CAMTA1: variants seen among roughly 807,000 people sequenced by gnomAD.
CAMTA1 encodes calmodulin binding transcription activator 1.
CAMTA1 carries 27 observed loss-of-function variants against 170.9 expected under a neutral mutation model. The observed-to-expected ratio is 0.16, with a 90% CI of 0.12 to 0.22. The LOEUF (loss-of-function observed/expected upper bound fraction) is 0.22, where lower values mean the gene tolerates loss of function less well. Ranked by LOEUF, CAMTA1 falls within the 10% of genes least tolerant of loss-of-function variation. The probability of loss-of-function intolerance (pLI) is 1.00; values close to 1 mark genes in which losing one functional copy is unlikely to be tolerated. For missense variants in CAMTA1, 1,619 were observed against 2,217.2 expected (o/e 0.73, Z 5.42); for synonymous variants, 833 against 891.5 (o/e 0.93, Z 1.17).
intron 3 of CAMTA1, among the ~76,000 whole-genome samples, chr1:7,070,043 G>T (rs1187716553): frequency 1.3e-5 from 2 of 152,186 alleles, no homozygotes; most frequent in Non-Finnish European, 2.9e-5. Context: ...GGGGCCTCCG[G>T]TGAGCCGCAG....
chr1:7,519,477 G>C (rs1043373276), intron 6 of CAMTA1, among the ~76,000 whole-genome samples: 1 of 152,070 alleles, frequency 6.6e-6, no homozygotes, highest in African/African-American at 2.4e-5. Context: ...AAGGAGCCTT[G>C]GAGATGCAGG....
At chr1:7,704,991 T>TGG (rs200125788) in intron 11 of CAMTA1, among the ~76,000 whole-genome samples, 13 of 127,198 alleles carry the variant, frequency 1.0e-4, no homozygotes, top group Middle Eastern at 4.1e-3. Context: ...GGCCGGGGCG[T>TGG]GGGGACACGC....
At chr1:7,613,020 C>T (rs570558206) in intron 6 of CAMTA1, among the ~76,000 whole-genome samples, 3 of 152,160 alleles carry the variant, frequency 2.0e-5, no homozygotes, top group East Asian at 3.9e-4. Context: ...CAGTCTTAAC[C>T]GGGAGTGTGT....
chr1:7,699,688 CT>C (rs1430965671), intron 11 of CAMTA1, among the ~76,000 whole-genome samples: 1 of 150,390 alleles, frequency 6.6e-6, no homozygotes, highest in African/African-American at 2.5e-5. Flanking sequence ...TTGTTATTGT[CT>C]TTCTTTGTGA....
chr1:7,246,489 A>G (rs1665797407), intron 4 of CAMTA1, among the ~76,000 whole-genome samples: 1 of 151,880 alleles, frequency 6.6e-6, no homozygotes, highest in South Asian at 2.1e-4. Context: ...TCTGCCTGCA[A>G]TTCCATTCCT....
chr1:7,061,539 G>A (rs569635612), intron 3 of CAMTA1, among the ~76,000 whole-genome samples: 1 of 85,532 alleles, frequency 1.2e-5, no homozygotes, highest in Non-Finnish European at 2.3e-5. Context: ...AGTACCAAGT[G>A]TTGGGGAAGG....
At position 7,359,947 on chromosome 1, in the gene CAMTA1, T is replaced by A. The variant is rs77877648; in HGVS notation, c.439-107883T>A. Among the ~76,000 whole-genome samples, 1,123 of 152,162 alleles carry A rather than the reference T, an allele frequency of 7.4e-3. 17 individuals are homozygous for A. The highest frequency in any genetic ancestry group is 0.026 in the African/African-American group (1,092 of 41,516). On this transcript the variant is annotated intron_variant, in intron 5 of 22. Transcript: ENST00000303635. ...AGGGTGAAAGTCTCAGATCAAGGTG[T>A]GGGCAGGGCTGGTTTCTTCTGAGGC...
At position 7,284,186 on chromosome 1, in the gene CAMTA1, A is replaced by ATTC. The variant is rs1468964579; in HGVS notation, c.438+34562_438+34563insCTT. ...TCTTCTTCTTCTTCTTCTTATTATT[A>ATTC]TTATTATTATTATTATTATTATTAT... On this transcript the variant is annotated intron_variant, in intron 5 of 22. Transcript: ENST00000303635. Among the ~76,000 whole-genome samples the ATTC allele has an allele frequency of 3.5e-4, 38 of 108,638 alleles. 1 individual carries two copies. The highest frequency in any genetic ancestry group is 5.7e-4 in the Non-Finnish European group (31 of 54,198). 71.3% of individuals were successfully genotyped at this position (108,638 alleles called of 152,430 possible). A position where few individuals can be genotyped will look rare whatever the true frequency, so the allele number is the denominator to read the frequency against.
chr1:7,045,199 G>T (rs1256824028), intron 3 of CAMTA1, among the ~76,000 whole-genome samples: 1 of 152,086 alleles, frequency 6.6e-6, no homozygotes, highest in Non-Finnish European at 1.5e-5. Flanking sequence ...GCAGTTCAAA[G>T]TGTTTAAAAG....
At chr1:7,278,921 G>A (rs1323075127) in intron 5 of CAMTA1, among the ~76,000 whole-genome samples, 2 of 152,194 alleles carry the variant, frequency 1.3e-5, no homozygotes, top group South Asian at 2.1e-4. Flanking sequence ...CTAATCTGGG[G>A]ATCAGAGAGA....
chr1:6,899,390 C>G (rs1676361528), intron 3 of CAMTA1, among the ~76,000 whole-genome samples: 1 of 152,204 alleles, frequency 6.6e-6, no homozygotes, highest in Admixed American at 6.5e-5. Context: ...TGCACAACTC[C>G]CTGTAGGGCT....
chr1:7,580,638 G>A lies in CAMTA1; in HGVS notation c.511-59762G>A, dbSNP rs886986774. Among the ~76,000 whole-genome samples, 6 of 152,108 alleles carry A rather than the reference G, an allele frequency of 3.9e-5. No homozygotes were observed. The highest frequency in any genetic ancestry group is 1.4e-4 in the African/African-American group (6 of 41,412). ...GAGACTGATAATACTGCTCATTCTC[G>A]GTGGCACCAAAGGTCCCTGGGCACC... On this transcript the variant is annotated intron_variant, in intron 6 of 22. Transcript: ENST00000303635. The surrounding 1 kb of genome is among the most constrained non-coding windows in gnomAD (Gnocchi z 4.3).
chr1:7,121,616 A>G (rs536282350), intron 4 of CAMTA1, among the ~76,000 whole-genome samples: 106 of 152,258 alleles, frequency 7.0e-4, no homozygotes, highest in African/African-American at 2.5e-3. Context: ...GGCTATGGGG[A>G]GGTCAGATCA....
intron 3 of CAMTA1, among the ~76,000 whole-genome samples, chr1:7,051,773 C>T (rs550804959): frequency 6.7e-4 from 100 of 149,720 alleles, no homozygotes; most frequent in African/African-American, 2.2e-3. Flanking sequence ...TGTATTCATT[C>T]GAATAGGTGG....
intron 5 of CAMTA1, among the ~76,000 whole-genome samples, chr1:7,407,098 T>C (rs973012333): frequency 3.3e-5 from 5 of 152,204 alleles, no homozygotes; most frequent in Admixed American, 2.6e-4. Flanking sequence ...CTCGATTCAT[T>C]GAAGGCAGGC....
chr1:7,439,892 G>A (rs937381739), intron 5 of CAMTA1, among the ~76,000 whole-genome samples: 1 of 152,194 alleles, frequency 6.6e-6, no homozygotes, highest in Non-Finnish European at 1.5e-5. Context: ...CTCCAACCTT[G>A]GCTTCCTCAT....
At chr1:7,294,009 G>T (rs1673556978) in intron 5 of CAMTA1, among the ~76,000 whole-genome samples, 1 of 152,230 alleles carries the variant, frequency 6.6e-6, no homozygotes, top group African/African-American at 2.4e-5. Context: ...GCACAGTTGT[G>T]TCCAAAGCCC....
At chr1:6,905,807 G>A (rs1678338484) in intron 3 of CAMTA1, among the ~76,000 whole-genome samples, 1 of 152,166 alleles carries the variant, frequency 6.6e-6, no homozygotes, top group South Asian at 2.1e-4. Flanking sequence ...TGCGTGTTCT[G>A]GGGCCAGATA....
At chr1:7,703,003 C>T (rs2096458839) in intron 11 of CAMTA1, among the ~76,000 whole-genome samples, 1 of 152,214 alleles carries the variant, frequency 6.6e-6, no homozygotes, top group Non-Finnish European at 1.5e-5. Context: ...GAGCACACAG[C>T]TAGCAACGAG....
Sources: gnomAD v4.1 joint callset for allele counts (sites outside exome capture counted in the v4.1 genomes callset) on GRCh38, gnomAD v4.1.1 for gene constraint, Gnocchi (gnomAD v3.1) non-coding constraint, MANE v1.5 for transcripts, NCBI Gene and HGNC (gene_info 2026-07-23, HGNC 2026-07-21) for gene names.